Variants in DLGAP2 observed in about 807,000 individuals in gnomAD.
DLGAP2 encodes the protein DLG associated protein 2.
Under a neutral mutation model 100.3 loss-of-function variants are expected in DLGAP2, and 26 were observed. The observed-to-expected ratio is 0.26, with a 90% CI of 0.19 to 0.36. The LOEUF (loss-of-function observed/expected upper bound fraction) is 0.36, where lower values mean the gene tolerates loss of function less well. DLGAP2 is among the 10% of genes least tolerant of loss of function. The pLI, the probability that DLGAP2 is intolerant of heterozygous loss-of-function variation, is 1.00. For synonymous variants in DLGAP2, 886 were observed against 630.1 expected (o/e 1.41, Z -6.08); for missense variants, 1,858 against 1,453.2 (o/e 1.28, Z -4.53).
intron 13 of DLGAP2, among the ~76,000 whole-genome samples, chr8:1,693,451 T>C (rs1279192123): frequency 6.6e-6 from 1 of 152,106 alleles, no homozygotes; most frequent in Non-Finnish European, 1.5e-5. Context: ...ATAATAGTTA[T>C]GCTACTTAAT....
At chr8:850,059 TAAAAAAAAA>T (rs369727619) in intron 1 of DLGAP2, among the ~76,000 whole-genome samples, 1 of 129,318 alleles carries the variant, frequency 7.7e-6, no homozygotes, top group Admixed American at 7.5e-5. Context: ...GGAGACTGTC[TAAAAAAAAA>T]AAAAAAAAAA....
chr8:1,683,584 G>A (rs1799014958), intron 12 of DLGAP2, among the ~76,000 whole-genome samples: 1 of 150,046 alleles, frequency 6.7e-6, no homozygotes, highest in African/African-American at 2.5e-5. Context: ...TCCACAGACA[G>A]TGCCTCACAC....
intron 4 of DLGAP2, among the ~76,000 whole-genome samples, chr8:1,532,346 C>G (rs1801013767): frequency 6.6e-6 from 1 of 152,154 alleles, no homozygotes; most frequent in Non-Finnish European, 1.5e-5. Flanking sequence ...ATAAATTTAC[C>G]TGACTTTCTC....
chr8:1,488,017 T>A (rs73672730), intron 3 of DLGAP2, among the ~76,000 whole-genome samples: 3 of 119,200 alleles, frequency 2.5e-5, no homozygotes, highest in South Asian at 3.0e-4. Context: ...GAAAGGAGTT[T>A]CCATCATCGC....
intron 6 of DLGAP2, among the ~76,000 whole-genome samples, chr8:1,606,434 C>A (rs144989415): frequency 6.6e-6 from 1 of 152,086 alleles, no homozygotes; most frequent in Non-Finnish European, 1.5e-5. Context: ...CAACCCCTGG[C>A]AACCACGAAC....
At chr8:1,459,735 G>T (rs142509454) in intron 3 of DLGAP2, among the ~76,000 whole-genome samples, 55 of 137,892 alleles carry the variant, frequency 4.0e-4, no homozygotes, top group African/African-American at 1.3e-3. Flanking sequence ...ACCCATGCTG[G>T]AGTGCAGTGG....
At chr8:1,079,741 A>T (rs1803739653) in intron 2 of DLGAP2, among the ~76,000 whole-genome samples, 1 of 152,206 alleles carries the variant, frequency 6.6e-6, no homozygotes, top group South Asian at 2.1e-4. Context: ...GGACATAAAT[A>T]GCAGCAATCC....
chr8:986,007 C>G (rs1800476295), intron 2 of DLGAP2, among the ~76,000 whole-genome samples: 1 of 152,114 alleles, frequency 6.6e-6, no homozygotes, highest in African/African-American at 2.4e-5. Flanking sequence ...GAAGAAGTTT[C>G]TGGAAACTCT....
At chr8:1,182,166 G>A (rs557191060) in intron 2 of DLGAP2, among the ~76,000 whole-genome samples, 2 of 152,372 alleles carry the variant, frequency 1.3e-5, no homozygotes, top group South Asian at 2.1e-4. Flanking sequence ...CTGCCACTTC[G>A]TTTGCACGGG....
rs1798892751 is a variant in DLGAP2 at position 1,679,492 on chromosome 8, A to G, written c.2704+863A>G. ...CTGGGTGGAATGAGAAGGCCGTGTC[A>G]TTCCTCTACCAGAGTCACCACCAAA... On this transcript the variant is annotated intron_variant, in intron 12 of 14. Coordinates refer to ENST00000637795, the MANE Select transcript of DLGAP2 (RefSeq NM_001346810.2). Among the ~76,000 whole-genome samples the G allele has an allele frequency of 2.7e-5, 4 of 150,902 alleles. 1 individual carries two copies. The South Asian group carries it at 8.4e-4, about 32-fold the overall frequency.
At chr8:1,145,463 C>T (rs1326651377) in intron 2 of DLGAP2, among the ~76,000 whole-genome samples, 3 of 152,150 alleles carry the variant, frequency 2.0e-5, no homozygotes, top group Non-Finnish European at 4.4e-5. Context: ...GGTCTCCCGT[C>T]CTGTGGGTGT....
At chr8:1,254,487 G>A (rs1799126166) in intron 2 of DLGAP2, among the ~76,000 whole-genome samples, 1 of 152,032 alleles carries the variant, frequency 6.6e-6, no homozygotes, top group Non-Finnish European at 1.5e-5. Flanking sequence ...CCTCCTCGGA[G>A]CCTCTAGTTT....
intron 6 of DLGAP2, among the ~76,000 whole-genome samples, chr8:1,567,072 A>G (rs1802433947): frequency 6.6e-6 from 1 of 152,192 alleles, no homozygotes; most frequent in African/African-American, 2.4e-5. Context: ...GGAAGCTCTT[A>G]GACTTGTTGG....
chr8:1,184,672 G>A (rs558574157), intron 2 of DLGAP2, among the ~76,000 whole-genome samples: 17 of 152,176 alleles, frequency 1.1e-4, no homozygotes, highest in Non-Finnish European at 1.5e-4. Context: ...CGGAGTTTGC[G>A]GGAAACAGTG....
intron 2 of DLGAP2, among the ~76,000 whole-genome samples, chr8:1,177,872 G>C (rs1029400891): frequency 2.6e-5 from 4 of 152,178 alleles, no homozygotes; most frequent in African/African-American, 9.7e-5. Flanking sequence ...CCACCACTGT[G>C]GGGGCTCCCT....
chr8:1,294,232 A>G (rs1227308161), intron 3 of DLGAP2, among the ~76,000 whole-genome samples: 1 of 152,238 alleles, frequency 6.6e-6, no homozygotes, highest in Non-Finnish European at 1.5e-5. Context: ...TTCAGGTTAC[A>G]GGCCTTTCAC....
rs568454575 is a variant in DLGAP2, at chr8:1,658,988, A to G, written c.1811-9341A>G. On this transcript the variant is annotated intron_variant, in intron 8 of 14. Coordinates refer to ENST00000637795, the MANE Select transcript of DLGAP2 (RefSeq NM_001346810.2). ...AATTTTGTGCTGTAAATTTCCCTCT[A>G]AACACTGTGTTAGCTGTGTCCCAGA... is the stretch of plus-strand genomic sequence containing the variant. Among the ~76,000 whole-genome samples the G allele has an allele frequency of 6.6e-5, 10 of 152,242 alleles. No individual in the cohort carries two copies. In the East Asian group the frequency reaches 1.7e-3, roughly 26 times the overall value.
chr8:1,265,540 G>C (rs898804756), intron 3 of DLGAP2, among the ~76,000 whole-genome samples: 3 of 152,216 alleles, frequency 2.0e-5, no homozygotes, highest in Non-Finnish European at 4.4e-5. Flanking sequence ...AGCAGCATTA[G>C]TCAAAGAAGT....
Position 1,227,153 on chromosome 8 carries a change from G to GATAGATATATATAT in DLGAP2, c.74-31695_74-31694insGATATATATATATA, listed in dbSNP as rs796173465. ...AAATGAATGGGTAAGGAAACTGTGA[G>GATAGATATATATAT]ATATATATATATATATATATAGTAT... On this transcript the variant is annotated intron_variant, in intron 2 of 14. Transcript: ENST00000637795. 3.1e-4 allele frequency among the ~76,000 whole-genome samples: 28 copies of GATAGATATATATAT among 89,708 alleles called. 1 individual carries two copies. Among genetic ancestry groups the GATAGATATATATAT allele is most frequent in the East Asian group, 2.2e-3 (5 of 2,294 alleles). 58.9% of individuals were successfully genotyped at this position (89,708 alleles called of 152,430 possible).
Sources: allele counts gnomAD v4.1 joint callset (sites outside exome capture counted in the v4.1 genomes callset), GRCh38; gene constraint gnomAD v4.1.1; transcripts MANE v1.5; gene names NCBI Gene and HGNC (gene_info 2026-07-23, HGNC 2026-07-21).